Variants in ANKRD18B observed in about 807,000 individuals in gnomAD.
The protein encoded by ANKRD18B is ankyrin repeat domain 18B.
In ANKRD18B, 75 loss-of-function variants were observed where a neutral mutation model predicts 111.8. The ratio of observed to expected loss-of-function variants is 0.67; its 90% confidence interval spans 0.56 to 0.81. The LOEUF (loss-of-function observed/expected upper bound fraction) is 0.81, where lower values mean the gene tolerates loss of function less well. ANKRD18B is among the 40% of genes least tolerant of loss of function. The probability of loss-of-function intolerance (pLI) is 0.00; values close to 1 mark genes in which losing one functional copy is unlikely to be tolerated. For synonymous variants in ANKRD18B, 356 were observed against 417.3 expected, an observed-to-expected ratio of 0.85 and a Z score of 1.79; for missense variants, 1,038 against 1,225.5, an observed-to-expected ratio of 0.85 and a Z score of 2.28.
Position 33,548,178 on chromosome 9 carries a change from GATCTGAA to G in ANKRD18B, c.1392_1398del (p.Asp464GlufsTer7). On this transcript the variant is annotated frameshift_variant, in exon 11 of 19. Coordinates refer to ENST00000684830, the MANE Select transcript of ANKRD18B (RefSeq NM_001393611.1). LOFTEE classifies it high-confidence loss of function. ...GGCCCAGTATTCGCAACAGCTTAAT[GATCTGAA>G]AGCTGAGAATGCAAGGCTGAATTCA... 6.5e-7 allele frequency: 1 copy of G among 1,547,700 alleles called. No individual in the cohort carries two copies. The highest frequency in any genetic ancestry group is 8.7e-7 in the Non-Finnish European group (1 of 1,145,820).
At position 33,550,580 on chromosome 9, in the gene ANKRD18B, G is replaced by A; in HGVS notation, c.2217+1G>A. ...GAAATTATTTCAAGTAGAAATTCAAGTATGTATGGAATTTAACATGTAGAC... is the reference window on the plus strand; with the variant it reads ...GAAATTATTTCAAGTAGAAATTCAAATATGTATGGAATTTAACATGTAGAC... On this transcript the variant is annotated splice_donor_variant, in intron 12 of 18. Transcript: ENST00000684830. LOFTEE classifies it high-confidence loss of function. 6.5e-7 allele frequency: 1 copy of A among 1,534,580 alleles called. No homozygotes were observed. Among genetic ancestry groups the A allele is most frequent in the Non-Finnish European group, 8.8e-7 (1 of 1,140,550 alleles).
intron 12 of ANKRD18B, among the ~76,000 whole-genome samples, chr9:33,555,148 A>T (rs1294763772): frequency 6.6e-6 from 1 of 152,132 alleles, no homozygotes; most frequent in Non-Finnish European, 1.5e-5. Context: ...AAAAGTTATT[A>T]TTTGTGTATT....
intron 9 of ANKRD18B, among the ~76,000 whole-genome samples, chr9:33,542,753 T>G (rs775875200): frequency 4.6e-5 from 7 of 152,184 alleles, no homozygotes; most frequent in Non-Finnish European, 8.8e-5. Flanking sequence ...AAACAGGGTG[T>G]ACACTATAAA....
rs1828074759 is a variant in ANKRD18B at position 33,529,185 on chromosome 9, T to C, written c.495+12T>C. 6.3e-7 allele frequency: 1 copy of C among 1,578,814 alleles called. No homozygotes were observed. The highest frequency in any genetic ancestry group is 8.6e-7 in the Non-Finnish European group (1 of 1,166,396). ...AAGCACTAAACAAGGTACAGATCAA[T>C]CAACTTTCTTTTCAAAATGTTTGTT... On this transcript the variant is annotated intron_variant, in intron 3 of 18. Coordinates refer to ENST00000684830, the MANE Select transcript of ANKRD18B (RefSeq NM_001393611.1).
intron 15 of ANKRD18B, 58 bp downstream of exon 15, chr9:33,566,558 A>G: frequency 1.9e-6 from 3 of 1,560,612 alleles, no homozygotes; most frequent in Non-Finnish European, 2.6e-6. Flanking sequence ...ATTTCACTGC[A>G]AACTGTATTT....
chr9:33,536,580 A>G (rs143508943), intron 5 of ANKRD18B, among the ~76,000 whole-genome samples: 1 of 152,358 alleles, frequency 6.6e-6, no homozygotes, highest in East Asian at 1.9e-4. Context: ...AAAACAAAAT[A>G]CCTATTGGTT....
At chr9:33,533,594 G>A (rs1349820117) in intron 4 of ANKRD18B, 49 bp downstream of exon 4, 3 of 1,506,600 alleles carry the variant, frequency 2.0e-6, no homozygotes, top group Non-Finnish European at 2.7e-6. Flanking sequence ...AAACCTGAGT[G>A]TTCTAGAGTG....
chr9:33,557,986 G>A (rs368655610), intron 13 of ANKRD18B, 72 bp from the exon 14 acceptor site: 44,165 of 1,298,080 alleles, frequency 0.034, 1,321 homozygotes, highest in South Asian at 0.073. Flanking sequence ...CCATAACATA[G>A]TATCTGTTTA....
chr9:33,524,865 A>T (rs1828004482), intron 1 of ANKRD18B, among the ~76,000 whole-genome samples, 170 bp downstream of exon 1: 1 of 152,244 alleles, frequency 6.6e-6, no homozygotes, highest in South Asian at 2.1e-4. Context: ...TTGGTGGATA[A>T]TTGGAGTGAT....
At chr9:33,567,009 G>T in intron 15 of ANKRD18B, 94 bp from the exon 16 acceptor site, 1 of 1,242,588 alleles carries the variant, frequency 8.0e-7, no homozygotes, top group African/African-American at 1.6e-5. Flanking sequence ...ATTCAAAATT[G>T]CTCTTTGAAT....
rs751894761 is a variant in ANKRD18B, at chr9:33,529,092, C to G, written c.414C>G (p.Leu138=). 1 of 1,611,926 alleles carries G rather than the reference C, an allele frequency of 6.2e-7. No homozygotes were observed. The highest frequency in any genetic ancestry group is 1.3e-5 in the African/African-American group (1 of 74,862). The change falls in exon 3 of 19, where the codon CTC becomes CTG. Residue 138 remains leucine, a synonymous_variant. Transcript: ENST00000684830. ...NIKDIYGNTA[L]HYAVYNEGTS... ...AGGATATCTACGGCAACACTGCTCT[C>G]CATTATGCCGTGTATAATGAGGGGA...
intron 3 of ANKRD18B, among the ~76,000 whole-genome samples, chr9:33,532,721 T>C (rs1370175118): frequency 6.6e-6 from 1 of 152,176 alleles, no homozygotes; most frequent in Non-Finnish European, 1.5e-5. Flanking sequence ...CCTGAGACCA[T>C]TGATAGAAGT....
At position 33,541,246 on chromosome 9, in the gene ANKRD18B, T is replaced by A; in HGVS notation, c.1078+19T>A. 4 of 1,539,406 alleles carry A rather than the reference T, an allele frequency of 2.6e-6. No individual in the cohort carries two copies. The highest frequency in any genetic ancestry group is 3.5e-6 in the Non-Finnish European group (4 of 1,143,990). On this transcript the variant is annotated intron_variant, in intron 9 of 18. Coordinates refer to ENST00000684830, the MANE Select transcript of ANKRD18B (RefSeq NM_001393611.1). ...GCAAAAGGTAAGACACTTGAGTATCTCTACTCTTAACCATGTAAAGAGACT... is the reference window on the plus strand; with the variant it reads ...GCAAAAGGTAAGACACTTGAGTATCACTACTCTTAACCATGTAAAGAGACT...
chr9:33,566,843 T>C, intron 15 of ANKRD18B: 2 of 425,810 alleles, frequency 4.7e-6, no homozygotes, highest in South Asian at 6.8e-5. Flanking sequence ...TTTTTAAAAT[T>C]ATAAATGGAT....
intron 1 of ANKRD18B, among the ~76,000 whole-genome samples, chr9:33,527,609 C>T (rs540653410): frequency 8.5e-5 from 13 of 152,298 alleles, no homozygotes; most frequent in South Asian, 4.1e-4. Context: ...CGTGAGCCAC[C>T]GCGCCCGGCC....
chr9:33,533,381 A>T (rs1828144448), intron 3 of ANKRD18B, 58 bp from the exon 4 acceptor site: 2 of 1,498,308 alleles, frequency 1.3e-6, no homozygotes, highest in African/African-American at 2.9e-5. Context: ...GAAGATTTTT[A>T]GTTCAGTGGA....
chr9:33,557,855 A>T (rs1828549817), intron 13 of ANKRD18B, among the ~76,000 whole-genome samples: 1 of 152,088 alleles, frequency 6.6e-6, no homozygotes. Context: ...CCTGCTATAT[A>T]TACCATAAAA....
chr9:33,568,878 G>C lies in ANKRD18B; in HGVS notation c.3162G>C (p.Lys1054Asn). Residue 1054 changes from lysine (K) to asparagine (N), a missense_variant, in exon 17 of 19, where the codon AAG becomes AAC. Lys to Asn is a moderately conservative substitution (Grantham distance 94). Transcript: ENST00000684830. ...ACCCACAGACTTCAAATAACTGCAA[G>C]AACTCCTTGACTGAGGTTAGTTATA... The part of the protein sequence containing the change: ...TSNPQTSNNC[K>N]NSLTEMELDC... The C allele has an allele frequency of 6.5e-7, 1 of 1,549,654 alleles. No individual in the cohort carries two copies. The highest frequency in any genetic ancestry group is 8.7e-7 in the Non-Finnish European group (1 of 1,146,140).
At chr9:33,531,631 T>G (rs1458855206) in intron 3 of ANKRD18B, among the ~76,000 whole-genome samples, 1 of 150,560 alleles carries the variant, frequency 6.6e-6, no homozygotes, top group East Asian at 1.9e-4. Flanking sequence ...TTAGGTAACC[T>G]CCTTCATCCT....
Sources: gnomAD v4.1 joint callset for allele counts (sites outside exome capture counted in the v4.1 genomes callset) on GRCh38, gnomAD v4.1.1 for gene constraint, MANE v1.5 for transcripts, NCBI Gene and HGNC (gene_info 2026-07-23, HGNC 2026-07-21) for gene names.